The following TMEM272 variants were observed in gnomAD, a reference collection of about 807,000 sequenced individuals.
The protein encoded by TMEM272 is long intergenic non-protein coding RNA 282.
A neutral mutation model predicts 3.7 loss-of-function variants in TMEM272; 8 were observed. That is an observed-to-expected ratio of 2.17 (90% CI 1.27 to 3.91). The LOEUF (loss-of-function observed/expected upper bound fraction) is 3.91. Ranked by LOEUF, TMEM272 falls within the 30% of genes most tolerant of loss-of-function variation. The pLI is 0.00. For missense variants in TMEM272, 166 were observed against 91.5 expected (o/e 1.81, Z -3.32); for synonymous variants, 63 against 39.8 (o/e 1.58, Z -2.20).
intron 2 of TMEM272, among the ~76,000 whole-genome samples, chr13:51,833,722 C>T (rs1013056249): frequency 6.6e-6 from 1 of 152,158 alleles, no homozygotes; most frequent in Non-Finnish European, 1.5e-5. Flanking sequence ...TCTAAAACCA[C>T]CTCCACTGCC....
the TMEM272 span, among the ~76,000 whole-genome samples, chr13:51,893,493 G>A: frequency 6.6e-6 from 1 of 152,258 alleles, no homozygotes; most frequent in South Asian, 2.1e-4. Flanking sequence ...GTGGTCCTGA[G>A]ACTAATCAGG....
At chr13:51,826,379 G>A (rs561988943) in intron 3 of TMEM272, among the ~76,000 whole-genome samples, 187 bp downstream of exon 3, 9 of 152,230 alleles carry the variant, frequency 5.9e-5, no homozygotes, top group East Asian at 1.9e-4. Flanking sequence ...CTCCCAGGGC[G>A]GGGCCCAGGA....
At chr13:51,909,539 C>T in the TMEM272 span, 2 of 1,063,128 alleles carry the variant, frequency 1.9e-6, no homozygotes, top group South Asian at 1.2e-5. Flanking sequence ...TGCAAAGATG[C>T]TTGTTCCGTC....
At chr13:51,822,220 C>T in intron 3 of TMEM272, 83 bp from the exon 4 acceptor site, 1 of 624,086 alleles carries the variant, frequency 1.6e-6, no homozygotes, top group South Asian at 1.8e-5. Flanking sequence ...GGAACACCTT[C>T]AAAAGCCAAA....
chr13:51,866,077 G>A, the TMEM272 span: 42 of 1,568,694 alleles, frequency 2.7e-5, no homozygotes, highest in South Asian at 4.8e-5. Context: ...GAGGCAGGGC[G>A]TAGCCAGCAT....
At chr13:51,835,805 C>T (rs1286383186) in intron 2 of TMEM272, among the ~76,000 whole-genome samples, 3 of 152,294 alleles carry the variant, frequency 2.0e-5, no homozygotes, top group Middle Eastern at 3.4e-3. Context: ...ACTCAGGTTT[C>T]CCTCTGCATG....
At chr13:51,839,247 A>C (rs1956241158) in intron 1 of TMEM272, among the ~76,000 whole-genome samples, 1 of 152,180 alleles carries the variant, frequency 6.6e-6, no homozygotes, top group South Asian at 2.1e-4. Context: ...TCCTTGGAAG[A>C]AACAGCCATA....
chr13:51,841,189 C>T (rs1956260558), intron 1 of TMEM272, among the ~76,000 whole-genome samples: 1 of 152,220 alleles, frequency 6.6e-6, no homozygotes, highest in Non-Finnish European at 1.5e-5. Context: ...AAGGTCGGTT[C>T]CTTTCCTCAC....
At chr13:51,924,479 C>T in the TMEM272 span, among the ~76,000 whole-genome samples, 3 of 152,122 alleles carry the variant, frequency 2.0e-5, no homozygotes, top group Admixed American at 2.0e-4. Flanking sequence ...CACAATCCTG[C>T]CAGTGGGGTT....
the TMEM272 span, among the ~76,000 whole-genome samples, chr13:51,912,404 C>A: frequency 2.0e-5 from 3 of 152,132 alleles, no homozygotes; most frequent in Non-Finnish European, 2.9e-5. Flanking sequence ...CCGAGCCATG[C>A]CTGGCACATC....
the TMEM272 span, among the ~76,000 whole-genome samples, chr13:51,881,389 T>A: frequency 7.9e-5 from 12 of 151,568 alleles, no homozygotes; most frequent in African/African-American, 2.9e-4. Flanking sequence ...TAATGAGAAA[T>A]GAAGAAAGGA....
chr13:51,867,842 A>C, the TMEM272 span, among the ~76,000 whole-genome samples: 15 of 152,188 alleles, frequency 9.9e-5, no homozygotes, highest in Non-Finnish European at 2.2e-4. Context: ...CCAGGGGCCC[A>C]CACTCAAGAC....
chr13:51,910,308 C>T, the TMEM272 span: 1 of 1,405,604 alleles, frequency 7.1e-7, no homozygotes, highest in South Asian at 1.2e-5. Flanking sequence ...TACTTCATAG[C>T]CTTCATACTC....
chr13:51,827,640 A>G (rs1195283473), intron 2 of TMEM272, among the ~76,000 whole-genome samples: 1 of 152,188 alleles, frequency 6.6e-6, no homozygotes, highest in African/African-American at 2.4e-5. Flanking sequence ...TGCTGAGAGC[A>G]GAGGATCTCT....
chr13:51,826,138 CA>C (rs11295480), intron 3 of TMEM272, among the ~76,000 whole-genome samples: 24,664 of 123,000 alleles, frequency 0.2, 2,239 homozygotes, highest in African/African-American at 0.24. Context: ...ATTCATTCAG[CA>C]AAAAAAAAAA....
rs1955993073 is a variant in TMEM272 at position 51,814,053 on chromosome 13, A to G, written c.*2698T>C. 1 of 152,208 alleles carries G rather than the reference A, an allele frequency of 6.6e-6. No individual in the cohort carries two copies. The highest frequency in any genetic ancestry group is 6.5e-5 in the Admixed American group (1 of 15,282). The allele number at this position is 152,208 out of a possible 1,614,324, so 9.4% of individuals were successfully genotyped here. ...TCCAGGTATACACAGCACATTTCAT[A>G]TCAGTGTGGACTGCCTACTTCAGGC... is the stretch of plus-strand genomic sequence containing the variant. On this transcript the variant is annotated 3_prime_UTR_variant, in exon 5 of 5. Transcript: ENST00000629372.
At chr13:51,851,413 G>C in the TMEM272 span, among the ~76,000 whole-genome samples, 1 of 139,596 alleles carries the variant, frequency 7.2e-6, no homozygotes, top group South Asian at 2.3e-4. Flanking sequence ...AGAAGAACAA[G>C]AAGAAGAAGA....
chr13:51,903,313 ATAAC>A, the TMEM272 span, among the ~76,000 whole-genome samples: 9 of 152,224 alleles, frequency 5.9e-5, no homozygotes, highest in Non-Finnish European at 1.0e-4. Context: ...ATGATCAATA[ATAAC>A]TAACTATAGT....
At chr13:51,931,874 T>C in the TMEM272 span, among the ~76,000 whole-genome samples, 2 of 152,222 alleles carry the variant, frequency 1.3e-5, no homozygotes, top group South Asian at 4.1e-4. Context: ...TCAATGATTC[T>C]ACAGAGATGT....
Sources: gnomAD v4.1 joint callset for allele counts (sites outside exome capture counted in the v4.1 genomes callset) on GRCh38, gnomAD v4.1.1 for gene constraint, MANE v1.5 for transcripts, NCBI Gene and HGNC (gene_info 2026-07-23, HGNC 2026-07-21) for gene names.